CTC1: variants seen among roughly 807,000 people sequenced by gnomAD.
The protein encoded by CTC1 is CST telomere replication complex component 1, also known as CST complex subunit CTC1.
Under a neutral mutation model 136.3 loss-of-function variants are expected in CTC1, and 91 were observed. The ratio of observed to expected loss-of-function variants is 0.67; its 90% CI spans 0.56 to 0.79. The LOEUF (loss-of-function observed/expected upper bound fraction) is 0.79, where lower values mean the gene tolerates loss of function less well. Ranked by LOEUF, CTC1 falls within the 30% of genes least tolerant of loss-of-function variation. The pLI, the probability that CTC1 is intolerant of heterozygous loss-of-function variation, is 0.00. For synonymous variants in CTC1, 606 were observed against 613.8 expected, an observed-to-expected ratio of 0.99 and a Z score of 0.19; for missense variants, 1,432 against 1,498.1, an observed-to-expected ratio of 0.96 and a Z score of 0.73.
rs1986774095 is a variant in CTC1 at position 8,227,049 on chromosome 17, A to C, written c.*1131T>G. On this transcript the variant is annotated 3_prime_UTR_variant, in exon 23 of 23. Transcript: ENST00000651323. The stretch of plus-strand genomic sequence containing the variant: ...CGTTATTAGCACCACGCTCTAACCA[A>C]CTGAGCTAACCGGCCACTAACTTTC... 1 of 151,194 alleles carries C rather than the reference A, an allele frequency of 6.6e-6. No individual in the cohort carries two copies. The highest frequency in any genetic ancestry group is 1.5e-5 in the Non-Finnish European group (1 of 68,032). The allele number at this position is 151,194 out of a possible 1,614,324, so 9.4% of individuals were successfully genotyped here. A position where few individuals can be genotyped will look rare whatever the true frequency, so the allele number is the denominator to read the frequency against.
chr17:8,235,838 C>T lies in CTC1; in HGVS notation c.1199G>A (p.Cys400Tyr), dbSNP rs1483913680. ...AGCCCTGATCTCACATACCTGCAGACACACTCCAGGTCGCATCACCCGCCT... is the reference window on the plus strand; with the variant it reads ...AGCCCTGATCTCACATACCTGCAGATACACTCCAGGTCGCATCACCCGCCT... The part of the protein sequence containing the change: ...GLRRVMRPGV[C>Y]LQLQDVHLLQ... Residue 400 changes from cysteine (C) to tyrosine (Y), a missense_variant, in exon 7 of 23, where the codon TGT (cysteine) becomes TAT (tyrosine). Coordinates refer to ENST00000651323, the MANE Select transcript of CTC1 (RefSeq NM_025099.6). The T allele has an allele frequency of 2.5e-6, 4 of 1,608,474 alleles. No individual in the cohort carries two copies. Among genetic ancestry groups the T allele is most frequent in the Non-Finnish European group, 3.4e-6 (4 of 1,175,824 alleles).
Position 8,238,585 on chromosome 17 carries a change from C to T in CTC1, c.242G>A (p.Cys81Tyr). The change falls in exon 3 of 23, where the codon TGC (cysteine) becomes TAC (tyrosine). Residue 81 changes from cysteine to tyrosine, a missense_variant. Transcript: ENST00000651323. ...QDLKTHQRLP[C>Y]CSHLSWSSSA... is the part of the protein sequence containing the mutation. ...ACTGCTCCACGACAGGTGGCTGCAG[C>T]ATGGGAGACGCTGGTGAGTCTTGAG... 6.2e-7 allele frequency: 1 copy of T among 1,613,340 alleles called. No individual in the cohort carries two copies. The highest frequency in any genetic ancestry group is 8.5e-7 in the Non-Finnish European group (1 of 1,179,568).
At chr17:8,247,942 A>G in intron 1 of CTC1, 62 bp downstream of exon 1, 1 of 1,528,426 alleles carries the variant, frequency 6.5e-7, no homozygotes, top group South Asian at 1.2e-5. Context: ...GGAAATAGGA[A>G]GAGAAAGAGT....
chr17:8,242,690 A>G (rs1021986612), intron 2 of CTC1, among the ~76,000 whole-genome samples: 2 of 151,404 alleles, frequency 1.3e-5, no homozygotes, highest in African/African-American at 4.9e-5. Context: ...TTCCCAATAC[A>G]CAAAATAAAG....
rs201891953 is a variant in CTC1, at chr17:8,232,096, C to A, written c.2192G>T (p.Arg731Leu). The A allele has an allele frequency of 1.3e-6, 2 of 1,548,554 alleles. No individual in the cohort carries two copies. Among genetic ancestry groups the A allele is most frequent in the Non-Finnish European group, 1.7e-6 (2 of 1,153,116 alleles). ...GPEGPHLGQS[R>L]LFLLCHKEAL... ...CTCCTTGTGGCAGAGCAAGAAGAGC[C>A]GGCTCTGTCCTAGGTGGGGTCCCTC... The change falls in exon 13 of 23, where the codon CGG becomes CTG. Residue 731 changes from arginine (R) to leucine (L), a missense_variant. Arg to Leu is a moderately radical substitution (Grantham distance 102). Transcript: ENST00000651323.
chr17:8,240,466 T>G (rs1330117338), intron 2 of CTC1, among the ~76,000 whole-genome samples: 1 of 145,812 alleles, frequency 6.9e-6, no homozygotes, highest in East Asian at 1.9e-4. Context: ...CCAAAAAAAG[T>G]AATCTTAAGT....
chr17:8,237,249 T>G lies in CTC1; in HGVS notation c.792+126A>C, dbSNP rs905207215. 9.5e-6 allele frequency: 10 copies of G among 1,050,730 alleles called. No individual in the cohort carries two copies. The African/African-American group carries it at 1.4e-4, about 15-fold the overall frequency. The allele number at this position is 1,050,730 out of a possible 1,614,324, so 65.1% of individuals were successfully genotyped here. On this transcript the variant is annotated intron_variant, in intron 5 of 22. Transcript: ENST00000651323. Reference sequence around the variant, plus strand: ...CCGGAATCTTCTCCCAACAGCGCTATTCCAGAAAACAGCTCTCCCCAGCTG... The same window carrying G: ...CCGGAATCTTCTCCCAACAGCGCTAGTCCAGAAAACAGCTCTCCCCAGCTG...
chr17:8,226,695 G>A lies in CTC1; in HGVS notation c.*1485C>T, dbSNP rs1053570811. Reference sequence around the variant, plus strand: ...TTAACCACTCGGCCACGACTACGAGGCTTAGGGCTTCGTTTTCATCCAATG... The same window carrying A: ...TTAACCACTCGGCCACGACTACGAGACTTAGGGCTTCGTTTTCATCCAATG... On this transcript the variant is annotated 3_prime_UTR_variant, in exon 23 of 23. Coordinates refer to ENST00000651323, the MANE Select transcript of CTC1 (RefSeq NM_025099.6). 2.6e-5 allele frequency: 4 copies of A among 152,322 alleles called. No individual in the cohort carries two copies. The highest frequency in any genetic ancestry group is 2.9e-5 in the Non-Finnish European group (2 of 68,040). 9.4% of individuals were successfully genotyped at this position (152,322 alleles called of 1,614,324 possible). A position where few individuals can be genotyped will look rare whatever the true frequency, so the allele number is the denominator to read the frequency against.
intron 4 of CTC1, 28 bp from the exon 5 acceptor site, chr17:8,237,547 C>G: frequency 6.2e-7 from 1 of 1,610,656 alleles, no homozygotes; most frequent in East Asian, 2.2e-5. Context: ...GCCCTGTAAT[C>G]CCAGCTACTC....
At position 8,240,324 on chromosome 17, in the gene CTC1, T is replaced by C. The variant is rs1221323070; in HGVS notation, c.198-1695A>G. ...CATGTGCCACCATGCCTGGCTAATT[T>C]TTTGTATTTTTAGTAGAGACAGGGT... On this transcript the variant is annotated intron_variant, in intron 2 of 22. Transcript: ENST00000651323. Among the ~76,000 whole-genome samples the C allele has an allele frequency of 2.0e-5, 3 of 151,630 alleles. No individual in the cohort carries two copies. The East Asian group carries it at 5.9e-4, about 30-fold the overall frequency.
intron 2 of CTC1, among the ~76,000 whole-genome samples, chr17:8,240,739 C>T (rs1436268420): frequency 6.6e-6 from 1 of 150,396 alleles, no homozygotes; most frequent in Non-Finnish European, 1.5e-5. Flanking sequence ...AGTAGCCAGG[C>T]ATGGTGGCGA....
chr17:8,244,587 G>A (rs1409082824), intron 1 of CTC1, among the ~76,000 whole-genome samples: 2 of 151,468 alleles, frequency 1.3e-5, no homozygotes. Flanking sequence ...GTGCAATGGC[G>A]CAATCTCGGC....
In CTC1 at chr17:8,228,580, C is replaced by G; in HGVS notation, c.3437G>C (p.Cys1146Ser). 6.2e-7 allele frequency: 1 copy of G among 1,614,170 alleles called. No individual in the cohort carries two copies. Among genetic ancestry groups the G allele is most frequent in the Non-Finnish European group, 8.5e-7 (1 of 1,180,012 alleles). Residue 1146 changes from cysteine to serine, a missense_variant, in exon 22 of 23, where the codon TGT becomes TCT. Transcript: ENST00000651323. ...EPMTMFLWTL[C>S]TSPSVLRPIV... is the part of the protein sequence containing the mutation. ...AGGACGGAGGACAGAGGGGCTAGTA[C>G]AAAGTGTCCAGAGGAACATGGTCAT...
At chr17:8,247,742 C>T (rs556808042) in intron 1 of CTC1, 2 of 488,930 alleles carry the variant, frequency 4.1e-6, no homozygotes, top group South Asian at 2.4e-5. Context: ...CCCCCATTAA[C>T]CTGCTCCTGG....
chr17:8,232,530 G>T (rs1480922700), intron 11 of CTC1, 55 bp from the exon 12 acceptor site: 2 of 1,474,572 alleles, frequency 1.4e-6, no homozygotes, highest in Non-Finnish European at 1.9e-6. Flanking sequence ...GGGGTGGGTT[G>T]CAAGGCAAAC....
chr17:8,238,720 G>T, intron 2 of CTC1, 91 bp from the exon 3 acceptor site: 1 of 946,610 alleles, frequency 1.1e-6, no homozygotes, highest in Non-Finnish European at 1.6e-6. Flanking sequence ...AGAGCCCAGG[G>T]AAAGGTTGCA....
chr17:8,247,724 C>G, intron 1 of CTC1: 1 of 444,934 alleles, frequency 2.2e-6, no homozygotes, highest in Non-Finnish European at 4.1e-6. Flanking sequence ...ACCCACAGCC[C>G]CATAGTTCCC....
chr17:8,228,048 A>C lies in CTC1; in HGVS notation c.*132T>G. ...TGGCACCAGAACACCAAAGAAGGGA[A>C]ATTATAGTGGAGTAGCAGTTTGTGA... On this transcript the variant is annotated 3_prime_UTR_variant, in exon 23 of 23. Transcript: ENST00000651323. 1.1e-6 allele frequency: 1 copy of C among 923,368 alleles called. No individual in the cohort carries two copies. Among genetic ancestry groups the C allele is most frequent in the Non-Finnish European group, 1.6e-6 (1 of 613,454 alleles). The allele number at this position is 923,368 out of a possible 1,614,324, so 57.2% of individuals were successfully genotyped here. A position where few individuals can be genotyped will look rare whatever the true frequency, so the allele number is the denominator to read the frequency against.
intron 2 of CTC1, among the ~76,000 whole-genome samples, chr17:8,242,060 C>T (rs1406311219): frequency 3.3e-5 from 5 of 151,528 alleles, no homozygotes; most frequent in South Asian, 2.1e-4. Context: ...TATGGAGTTT[C>T]GCTCTTGTTG....
Sources: allele counts gnomAD v4.1 joint callset (sites outside exome capture counted in the v4.1 genomes callset), GRCh38; gene constraint gnomAD v4.1.1; transcripts MANE v1.5; gene names NCBI Gene and HGNC (gene_info 2026-07-23, HGNC 2026-07-21).